The following GALNT13 variants were observed in gnomAD, a reference collection of about 807,000 sequenced individuals.
GALNT13 encodes the protein polypeptide N-acetylgalactosaminyltransferase 13.
Under a neutral mutation model 64.2 loss-of-function variants are expected in GALNT13, and 28 were observed. That is an observed-to-expected ratio of 0.44 (90% CI 0.32 to 0.60). The LOEUF is 0.60. Among genes scored for constraint, GALNT13 ranks in the 20% least tolerant of loss-of-function variants. The pLI, the probability that GALNT13 is intolerant of heterozygous loss-of-function variation, is 0.05. For synonymous variants in GALNT13, 214 were observed against 224.6 expected (o/e 0.95, Z 0.42); for missense variants, 577 against 669.8 (o/e 0.86, Z 1.53).
the GALNT13 span, among the ~76,000 whole-genome samples, chr2:153,398,695 G>A: frequency 6.6e-6 from 1 of 151,818 alleles, no homozygotes; most frequent in Non-Finnish European, 1.5e-5. Context: ...ATTTTTTCAT[G>A]TGTTTTTTGG....
the GALNT13 span, among the ~76,000 whole-genome samples, chr2:153,783,874 CTG>C: frequency 2.0e-5 from 3 of 152,190 alleles, no homozygotes; most frequent in Non-Finnish European, 1.5e-5. Context: ...CCATGCTGAA[CTG>C]TGAGTCAATT....
At chr2:153,342,925 T>A in the GALNT13 span, among the ~76,000 whole-genome samples, 1 of 152,144 alleles carries the variant, frequency 6.6e-6, no homozygotes, top group African/African-American at 2.4e-5. Context: ...TTAATAACTA[T>A]GAAAATTAGC....
chr2:154,315,153 A>G (rs1478296676), intron 9 of GALNT13, among the ~76,000 whole-genome samples: 1 of 152,154 alleles, frequency 6.6e-6, no homozygotes, highest in African/African-American at 2.4e-5. Flanking sequence ...AACATACCAC[A>G]AACTTTTTTA....
intron 12 of GALNT13, among the ~76,000 whole-genome samples, chr2:154,445,215 A>G (rs1701505415): frequency 6.6e-6 from 1 of 151,940 alleles, no homozygotes. Context: ...TTTCATGGCC[A>G]TTCATTTGAT....
At chr2:153,344,383 T>C in the GALNT13 span, among the ~76,000 whole-genome samples, 1 of 152,202 alleles carries the variant, frequency 6.6e-6, no homozygotes, top group Non-Finnish European at 1.5e-5. Flanking sequence ...ACCAGTAATT[T>C]TGGAGAATGT....
intron 8 of GALNT13, among the ~76,000 whole-genome samples, chr2:154,295,786 G>A (rs1692888235): frequency 6.6e-6 from 1 of 152,102 alleles, no homozygotes. Flanking sequence ...AATGAGAGAG[G>A]GCAGGGGTTT....
the GALNT13 span, chr2:153,593,296 G>A: frequency 6.6e-6 from 1 of 152,370 alleles, no homozygotes; most frequent in African/African-American, 2.4e-5. Flanking sequence ...AGTGAGGCCT[G>A]TGACTGCTGG....
At chr2:154,316,042 C>G (rs1413402335) in intron 9 of GALNT13, among the ~76,000 whole-genome samples, 1 of 151,984 alleles carries the variant, frequency 6.6e-6, no homozygotes, top group Non-Finnish European at 1.5e-5. Flanking sequence ...GAGCTGAGAT[C>G]GCGCCACTGC....
chr2:154,259,457 T>G (rs905633197), intron 8 of GALNT13, among the ~76,000 whole-genome samples: 6 of 152,208 alleles, frequency 3.9e-5, no homozygotes, highest in Admixed American at 3.9e-4. Flanking sequence ...TCACTTTGTG[T>G]TTTTGAACTG....
intron 11 of GALNT13, among the ~76,000 whole-genome samples, chr2:154,411,099 T>A (rs1699771864): frequency 6.6e-6 from 1 of 151,820 alleles, no homozygotes; most frequent in African/African-American, 2.4e-5. Flanking sequence ...GATTTGTACC[T>A]TAGAACTTTG....
At chr2:153,290,646 A>G in the GALNT13 span, among the ~76,000 whole-genome samples, 4 of 152,314 alleles carry the variant, frequency 2.6e-5, no homozygotes, top group South Asian at 6.2e-4. Flanking sequence ...CATGTCCAGT[A>G]TTCTTTGTAG....
At chr2:153,717,718 G>A in the GALNT13 span, among the ~76,000 whole-genome samples, 10,526 of 152,178 alleles carry the variant, frequency 0.069, 395 homozygotes, top group African/African-American at 0.092. Flanking sequence ...TCATTAACAT[G>A]CTGAGTTTTT....
At chr2:153,547,176 G>A in the GALNT13 span, among the ~76,000 whole-genome samples, 1 of 152,258 alleles carries the variant, frequency 6.6e-6, no homozygotes, top group South Asian at 2.1e-4. Flanking sequence ...CCATTGTACT[G>A]CATATTTTCA....
chr2:153,748,246 G>T, the GALNT13 span, among the ~76,000 whole-genome samples: 1 of 152,050 alleles, frequency 6.6e-6, no homozygotes, highest in Non-Finnish European at 1.5e-5. Flanking sequence ...ACTTGTGTGA[G>T]CAACTTTCAA....
chr2:153,866,971 T>A (rs913979125), upstream of GALNT13, among the ~76,000 whole-genome samples: 5 of 152,194 alleles, frequency 3.3e-5, no homozygotes, highest in African/African-American at 4.8e-5. Context: ...TGATTCAAAT[T>A]TTTTTGTGGC....
At chr2:153,372,539 G>A in the GALNT13 span, among the ~76,000 whole-genome samples, 3 of 152,052 alleles carry the variant, frequency 2.0e-5, no homozygotes, top group East Asian at 1.9e-4. Flanking sequence ...CCAGCTACTC[G>A]GAAGGCTGAG....
the GALNT13 span, among the ~76,000 whole-genome samples, chr2:153,579,418 T>C: frequency 2.0e-5 from 3 of 152,134 alleles, no homozygotes; most frequent in African/African-American, 7.2e-5. Context: ...TCAGAGAAAG[T>C]CATATATCTT....
At chr2:154,197,788 T>C (rs563941471) in intron 4 of GALNT13, among the ~76,000 whole-genome samples, 2 of 151,788 alleles carry the variant, frequency 1.3e-5, no homozygotes, top group Admixed American at 1.3e-4. Flanking sequence ...GTGTAGCATA[T>C]ATAACTGATG....
At chr2:153,363,519 T>C in the GALNT13 span, among the ~76,000 whole-genome samples, 2,247 of 151,026 alleles carry the variant, frequency 0.015, 65 homozygotes, top group African/African-American at 0.051. Context: ...GAGAGAAGAA[T>C]CAAATAGACA....
Sources: gnomAD v4.1 joint callset for allele counts (sites outside exome capture counted in the v4.1 genomes callset) on GRCh38, gnomAD v4.1.1 for gene constraint, MANE v1.5 for transcripts, NCBI Gene and HGNC (gene_info 2026-07-23, HGNC 2026-07-21) for gene names.